Variants in FAM171A1 observed in about 807,000 individuals in gnomAD.
FAM171A1 encodes protein FAM171A1.
In FAM171A1, 23 loss-of-function variants were observed where a neutral mutation model predicts 74.9. That is an observed-to-expected ratio of 0.31 (90% CI 0.22 to 0.44). FAM171A1 has a LOEUF of 0.44. Ranked by LOEUF, FAM171A1 falls within the 20% of genes least tolerant of loss-of-function variation. FAM171A1 has a pLI of 1.00. For synonymous variants in FAM171A1, 527 were observed against 505.7 expected (o/e 1.04, Z -0.57); for missense variants, 1,162 against 1,159.2 (o/e 1.00, Z -0.03).
chr10:15,337,808 G>A (rs1835721475), intron 1 of FAM171A1, among the ~76,000 whole-genome samples: 1 of 152,148 alleles, frequency 6.6e-6, no homozygotes, highest in African/African-American at 2.4e-5. Flanking sequence ...AAAGTTAGCT[G>A]GGCGTGGTGG....
chr10:15,263,083 C>G (rs1392837484), intron 3 of FAM171A1, among the ~76,000 whole-genome samples: 1 of 152,176 alleles, frequency 6.6e-6, no homozygotes, highest in Non-Finnish European at 1.5e-5. Context: ...ACATGAGGAG[C>G]CAAGCAGAGG....
intron 2 of FAM171A1, among the ~76,000 whole-genome samples, chr10:15,281,887 T>G (rs755107314): frequency 1.3e-5 from 2 of 152,022 alleles, no homozygotes; most frequent in African/African-American, 4.8e-5. Flanking sequence ...AAAACAGATA[T>G]GATGGGAATG....
At chr10:15,249,402 G>C (rs1409085851) in intron 4 of FAM171A1, among the ~76,000 whole-genome samples, 1 of 152,140 alleles carries the variant, frequency 6.6e-6, no homozygotes, top group Non-Finnish European at 1.5e-5. Flanking sequence ...GCCCGGTCAG[G>C]CTTGCTATTT....
intron 2 of FAM171A1, among the ~76,000 whole-genome samples, chr10:15,282,006 G>T (rs1834976421): frequency 6.6e-6 from 1 of 152,150 alleles, no homozygotes; most frequent in African/African-American, 2.4e-5. Context: ...ACTTGCTAAA[G>T]CTTATTTGTA....
chr10:15,214,635 T>C (rs199498074), intron 7 of FAM171A1, 34 bp from the exon 8 acceptor site: 8 of 1,514,608 alleles, frequency 5.3e-6, no homozygotes, highest in African/African-American at 4.2e-5. Flanking sequence ...AGCCAAAGAT[T>C]AGTGATTCTC....
chr10:15,312,696 T>G lies in FAM171A1; in HGVS notation c.98-28591A>C, dbSNP rs1334147680. 2.5e-4 allele frequency among the ~76,000 whole-genome samples: 30 copies of G among 122,084 alleles called. 2 individuals are homozygous for G. Among genetic ancestry groups the G allele is most frequent in the Admixed American group, 6.8e-4 (8 of 11,780 alleles). The allele number at this position is 122,084 out of a possible 152,430, so 80.1% of individuals were successfully genotyped here. On this transcript the variant is annotated intron_variant, in intron 1 of 7. Transcript: ENST00000378116. The stretch of plus-strand genomic sequence containing the variant: ...GTGTTTTTTTTTTTTTTTTTTTTTT[T>G]TTTTTTTTTTTTTTTTTTGAGACGA...
intron 1 of FAM171A1, among the ~76,000 whole-genome samples, chr10:15,319,302 C>G (rs750270118): frequency 5.9e-5 from 9 of 152,144 alleles, no homozygotes; most frequent in Non-Finnish European, 1.3e-4. Flanking sequence ...CCCCCAATTA[C>G]TAAGTGCCCA....
intron 1 of FAM171A1, among the ~76,000 whole-genome samples, chr10:15,342,122 A>G (rs1835771316): frequency 6.6e-6 from 1 of 152,240 alleles, no homozygotes; most frequent in African/African-American, 2.4e-5. Flanking sequence ...AATTGGGGCT[A>G]CAAACCCTAA....
chr10:15,212,753 A>G lies in FAM171A1; in HGVS notation c.*162T>C. ...TCCTTTATTCCGAGTAATAACTTTA[A>G]TTCCTTTCTAACATTTACACGGCAA... is the stretch of plus-strand genomic sequence containing the variant. On this transcript the variant is annotated 3_prime_UTR_variant, in exon 8 of 8. Coordinates refer to ENST00000378116, the MANE Select transcript of FAM171A1 (RefSeq NM_001010924.2). 1.0e-6 allele frequency: 1 copy of G among 989,682 alleles called. No individual in the cohort carries two copies. Among genetic ancestry groups the G allele is most frequent in the Non-Finnish European group, 1.5e-6 (1 of 676,874 alleles). 61.3% of individuals were successfully genotyped at this position (989,682 alleles called of 1,614,324 possible).
intron 4 of FAM171A1, among the ~76,000 whole-genome samples, chr10:15,249,618 T>C (rs763757744): frequency 1.3e-5 from 2 of 152,202 alleles, no homozygotes; most frequent in Admixed American, 1.3e-4. Context: ...GCAAATTTCT[T>C]CAAGGATTGC....
At chr10:15,304,592 T>C (rs996032323) in intron 1 of FAM171A1, among the ~76,000 whole-genome samples, 19 of 152,194 alleles carry the variant, frequency 1.2e-4, no homozygotes, top group Admixed American at 3.9e-4. Context: ...CAATAAAGGG[T>C]CCTGCCCACA....
chr10:15,359,654 A>G (rs529670112), intron 1 of FAM171A1, among the ~76,000 whole-genome samples: 23 of 152,346 alleles, frequency 1.5e-4, no homozygotes, highest in African/African-American at 4.8e-4. Flanking sequence ...TATGGATTTC[A>G]AGATAAAGAG....
chr10:15,268,768 G>A (rs1171545354), intron 3 of FAM171A1, among the ~76,000 whole-genome samples: 1 of 152,178 alleles, frequency 6.6e-6, no homozygotes, highest in Non-Finnish European at 1.5e-5. Flanking sequence ...AGAAAGTTGG[G>A]CCAGGCATGG....
At chr10:15,328,040 T>C (rs1469788333) in intron 1 of FAM171A1, among the ~76,000 whole-genome samples, 1 of 150,800 alleles carries the variant, frequency 6.6e-6, no homozygotes, top group East Asian at 1.9e-4. Context: ...ATAATGATGT[T>C]GCCATTGCTT....
chr10:15,330,222 A>T (rs962900209), intron 1 of FAM171A1, among the ~76,000 whole-genome samples: 1 of 152,090 alleles, frequency 6.6e-6, no homozygotes, highest in Non-Finnish European at 1.5e-5. Context: ...CACGCCTGTA[A>T]TCCCAGCTAC....
At chr10:15,278,022 C>T (rs2131802211) in intron 2 of FAM171A1, among the ~76,000 whole-genome samples, 1 of 152,270 alleles carries the variant, frequency 6.6e-6, no homozygotes, top group Admixed American at 6.5e-5. Context: ...TCCCAAAGTG[C>T]TGGGATTACA....
chr10:15,298,725 T>C (rs1201517860), intron 1 of FAM171A1, among the ~76,000 whole-genome samples: 3 of 152,280 alleles, frequency 2.0e-5, no homozygotes, highest in Admixed American at 1.3e-4. Context: ...TTCTCAGATA[T>C]GGTAAAGTAT....
intron 1 of FAM171A1, among the ~76,000 whole-genome samples, chr10:15,292,113 C>T (rs575569070): frequency 2.6e-5 from 4 of 152,196 alleles, no homozygotes; most frequent in South Asian, 2.1e-4. Context: ...TGCATCCTCA[C>T]GTGGTGGAAG....
rs1836126826 is a variant in FAM171A1, at chr10:15,370,476, C to T, written c.97+480G>A. 2.0e-5 allele frequency among the ~76,000 whole-genome samples: 3 copies of T among 151,272 alleles called. No individual in the cohort carries two copies. In the South Asian group the frequency reaches 6.2e-4, roughly 31 times the overall value. On this transcript the variant is annotated intron_variant, in intron 1 of 7. Coordinates refer to ENST00000378116, the MANE Select transcript of FAM171A1 (RefSeq NM_001010924.2). The stretch of plus-strand genomic sequence containing the variant: ...GGGGGCACCCCGGGGCGTCAGCCAC[C>T]CCCTCCCGCCACAACAAAAGGCCCC...
Sources: gnomAD v4.1 joint callset for allele counts (sites outside exome capture counted in the v4.1 genomes callset) on GRCh38, gnomAD v4.1.1 for gene constraint, MANE v1.5 for transcripts, NCBI Gene and HGNC (gene_info 2026-07-23, HGNC 2026-07-21) for gene names.